Variants in SAMD4A observed in about 807,000 individuals in gnomAD.
SAMD4A encodes the protein sterile alpha motif domain containing 4A.
SAMD4A carries 33 observed loss-of-function variants against 81.3 expected under a neutral mutation model. That is an observed-to-expected ratio of 0.41 (90% CI 0.31 to 0.54). SAMD4A has a LOEUF of 0.54. SAMD4A is among the 20% of genes least tolerant of loss of function. The pLI is 0.37. For synonymous variants in SAMD4A, 389 were observed against 382.1 expected (o/e 1.02, Z -0.21); for missense variants, 854 against 951.1 (o/e 0.90, Z 1.34).
At chr14:54,727,291 G>A (rs920110194) in intron 3 of SAMD4A, among the ~76,000 whole-genome samples, 6 of 139,034 alleles carry the variant, frequency 4.3e-5, no homozygotes, top group Admixed American at 7.8e-5. Context: ...CTGGGCTCAA[G>A]CAATTCTCCT....
intron 11 of SAMD4A, chr14:54,784,144 G>A: frequency 1.8e-6 from 1 of 564,114 alleles, no homozygotes; most frequent in Non-Finnish European, 3.2e-6. Context: ...GAGGTAGGAG[G>A]GGGCCTGGGG....
At chr14:54,704,880 T>C (rs572080344) in intron 3 of SAMD4A, among the ~76,000 whole-genome samples, 98 of 152,314 alleles carry the variant, frequency 6.4e-4, no homozygotes, top group Admixed American at 1.2e-3. Flanking sequence ...GAGTCAAAAC[T>C]CCAAGCCTTT....
At chr14:54,713,303 G>C (rs11158020) in intron 3 of SAMD4A, among the ~76,000 whole-genome samples, 39,587 of 151,908 alleles carry the variant, frequency 0.26, 6,199 homozygotes, top group African/African-American at 0.43. Flanking sequence ...TTTTCTAACT[G>C]TTAAACACTA....
At chr14:54,577,037 G>A (rs2033318437) in intron 2 of SAMD4A, among the ~76,000 whole-genome samples, 1 of 152,214 alleles carries the variant, frequency 6.6e-6, no homozygotes, top group South Asian at 2.1e-4. Flanking sequence ...GAGAAACAAG[G>A]AAGGAGGAAG....
intron 6 of SAMD4A, among the ~76,000 whole-genome samples, chr14:54,757,890 C>T (rs971105451): frequency 1.3e-5 from 2 of 152,194 alleles, no homozygotes; most frequent in Non-Finnish European, 2.9e-5. Context: ...TAGGTGCTCT[C>T]CTGGCATGGG....
At chr14:54,700,979 CTG>C (rs1363914157) in intron 2 of SAMD4A, 3 of 150,264 alleles carry the variant, frequency 2.0e-5, no homozygotes, top group African/African-American at 7.4e-5. Context: ...TTGCACACCA[CTG>C]TGAAACGGTG....
chr14:54,722,444 G>A (rs971301505), intron 3 of SAMD4A, among the ~76,000 whole-genome samples: 1 of 152,156 alleles, frequency 6.6e-6, no homozygotes, highest in African/African-American at 2.4e-5. Context: ...GCAATGCATA[G>A]CTCTGGTGTT....
chr14:54,774,843 A>ACCT, intron 9 of SAMD4A, 91 bp from the exon 10 acceptor site: 1 of 1,026,650 alleles, frequency 9.7e-7, no homozygotes. Flanking sequence ...AAATGAGGAG[A>ACCT]CCTCCAAGGC....
intron 3 of SAMD4A, among the ~76,000 whole-genome samples, chr14:54,718,231 C>A (rs1437421180): frequency 6.6e-6 from 1 of 152,164 alleles, no homozygotes; most frequent in Non-Finnish European, 1.5e-5. Context: ...CACTCTTTTG[C>A]AGTTGCATAA....
chr14:54,756,554 G>C (rs565772553), intron 6 of SAMD4A, among the ~76,000 whole-genome samples: 1 of 152,326 alleles, frequency 6.6e-6, no homozygotes, highest in East Asian at 1.9e-4. Flanking sequence ...CATATCCCCA[G>C]TGTGTAACAG....
intron 2 of SAMD4A, among the ~76,000 whole-genome samples, chr14:54,688,893 TC>T (rs2036352135): frequency 8.1e-6 from 1 of 123,070 alleles, no homozygotes; most frequent in Non-Finnish European, 1.9e-5. Flanking sequence ...AGTTTTTGAT[TC>T]AGTAGATCTA....
intron 3 of SAMD4A, among the ~76,000 whole-genome samples, chr14:54,712,569 C>T (rs1005584487): frequency 3.3e-5 from 5 of 152,170 alleles, no homozygotes; most frequent in Admixed American, 3.3e-4. Flanking sequence ...TGATCCTTCT[C>T]CTGTTTCCAA....
intron 4 of SAMD4A, among the ~76,000 whole-genome samples, chr14:54,744,951 C>A (rs1456087135): frequency 6.6e-6 from 1 of 152,220 alleles, no homozygotes; most frequent in Non-Finnish European, 1.5e-5. Flanking sequence ...TGCTGCTCCC[C>A]TGTTTTCTCT....
At chr14:54,593,530 GC>G (rs774249168) in intron 2 of SAMD4A, among the ~76,000 whole-genome samples, 11 of 152,128 alleles carry the variant, frequency 7.2e-5, no homozygotes, top group Non-Finnish European at 1.3e-4. Context: ...TGATTTAGGG[GC>G]AAATACAAGA....
chr14:54,701,378 A>G (rs533347687), intron 2 of SAMD4A, among the ~76,000 whole-genome samples: 4 of 152,342 alleles, frequency 2.6e-5, no homozygotes, highest in South Asian at 2.1e-4. Context: ...TTTTACCACA[A>G]TAAAAACAAG....
intron 2 of SAMD4A, among the ~76,000 whole-genome samples, chr14:54,578,493 T>A (rs756468050): frequency 5.9e-5 from 9 of 151,966 alleles, no homozygotes; most frequent in Admixed American, 3.9e-4. Context: ...GGCGGATCAC[T>A]TGAGGTCAGG....
intron 2 of SAMD4A, among the ~76,000 whole-genome samples, chr14:54,679,522 G>A (rs932071848): frequency 6.6e-6 from 1 of 152,184 alleles, no homozygotes; most frequent in Non-Finnish European, 1.5e-5. Flanking sequence ...CTACCCTGAG[G>A]CCTGCATGGA....
chr14:54,666,308 C>T (rs2035755443), intron 2 of SAMD4A, among the ~76,000 whole-genome samples: 1 of 152,166 alleles, frequency 6.6e-6, no homozygotes, highest in African/African-American at 2.4e-5. Context: ...CCTGATATTC[C>T]TCATTACTTC....
intron 2 of SAMD4A, among the ~76,000 whole-genome samples, chr14:54,606,573 G>C (rs1012929582): frequency 6.6e-6 from 1 of 152,168 alleles, no homozygotes; most frequent in Admixed American, 6.5e-5. Flanking sequence ...CAGGGGCCCT[G>C]TTTGGTCTCC....
Sources: gnomAD v4.1 joint callset for allele counts (sites outside exome capture counted in the v4.1 genomes callset) on GRCh38, gnomAD v4.1.1 for gene constraint, MANE v1.5 for transcripts, NCBI Gene and HGNC (gene_info 2026-07-23, HGNC 2026-07-21) for gene names.